The following CNTNAP5 variants were observed in gnomAD, a reference collection of about 807,000 sequenced individuals.
CNTNAP5 encodes the protein contactin-associated protein-like 5.
CNTNAP5 carries 72 observed loss-of-function variants against 150.2 expected under a neutral mutation model. The ratio of observed to expected loss-of-function variants is 0.48; its 90% confidence interval spans 0.40 to 0.58. The LOEUF is 0.58. Ranked by LOEUF, CNTNAP5 falls within the 20% of genes least tolerant of loss-of-function variation. The pLI is 0.00. For synonymous variants in CNTNAP5, 672 were observed against 619.8 expected (o/e 1.08, Z -1.25); for missense variants, 1,636 against 1,626.2 (o/e 1.01, Z -0.10).
intron 10 of CNTNAP5, among the ~76,000 whole-genome samples, chr2:124,546,205 A>T (rs146549341): frequency 0.011 from 1,625 of 152,282 alleles, 9 homozygotes; most frequent in Middle Eastern, 0.044. Flanking sequence ...AATTCATCAT[A>T]ATACAGGCTC....
Position 124,918,606 on chromosome 2 carries a change from C to G in CNTNAP5, c.*4318C>G, listed in dbSNP as rs996612541. Among the ~76,000 whole-genome samples the G allele has an allele frequency of 1.3e-5, 2 of 152,050 alleles. No homozygotes were observed. Among genetic ancestry groups the G allele is most frequent in the Admixed American group, 1.3e-4 (2 of 15,232 alleles). ...TTAGGAAAGGAAAGGTCTTGACAGA[C>G]TGTTCACCAACTGCCCTAGCTTCCT... On this transcript the variant is annotated 3_prime_UTR_variant, in exon 24 of 24. Transcript: ENST00000682447.
At chr2:124,753,104 TCTCGCCC>T (rs1680765109) in intron 14 of CNTNAP5, among the ~76,000 whole-genome samples, 1 of 152,182 alleles carries the variant, frequency 6.6e-6, no homozygotes, top group Non-Finnish European at 1.5e-5. Flanking sequence ...GTTCTTTGCC[TCTCGCCC>T]TTAGTGTACC....
intron 13 of CNTNAP5, among the ~76,000 whole-genome samples, chr2:124,655,943 G>GAA (rs746934948): frequency 0.03 from 3,042 of 100,140 alleles, 40 homozygotes; most frequent in African/African-American, 0.044. Context: ...GAGAGAGAGA[G>GAA]AGAGAAAGAA....
At chr2:124,334,773 C>T (rs1689429491) in intron 3 of CNTNAP5, among the ~76,000 whole-genome samples, 2 of 151,940 alleles carry the variant, frequency 1.3e-5, no homozygotes, top group South Asian at 4.2e-4. Flanking sequence ...TCAATTCAAT[C>T]TTCCCATAAA....
chr2:124,883,070 CTTTTTT>C (rs61340026), intron 21 of CNTNAP5, among the ~76,000 whole-genome samples: 89 of 142,068 alleles, frequency 6.3e-4, no homozygotes, highest in Middle Eastern at 7.4e-3. Context: ...CATCCATTCT[CTTTTTT>C]TTTTTTTTTT....
intron 21 of CNTNAP5, among the ~76,000 whole-genome samples, chr2:124,881,932 A>G (rs1677972620): frequency 6.6e-6 from 1 of 151,962 alleles, no homozygotes; most frequent in Admixed American, 6.6e-5. Context: ...TTTCAATTCA[A>G]GGGGGAAATG....
At chr2:124,677,766 C>T (rs1678977920) in intron 13 of CNTNAP5, among the ~76,000 whole-genome samples, 1 of 151,784 alleles carries the variant, frequency 6.6e-6, no homozygotes, top group Non-Finnish European at 1.5e-5. Flanking sequence ...TTTAGCTAGA[C>T]ACAGAGTGCT....
intron 22 of CNTNAP5, among the ~76,000 whole-genome samples, chr2:124,909,680 A>C (rs1331159987): frequency 6.7e-6 from 1 of 149,248 alleles, no homozygotes; most frequent in Non-Finnish European, 1.5e-5. Flanking sequence ...TCTTCTACCC[A>C]TCTTTTACCA....
chr2:124,759,645 A>G (rs1418869797), intron 14 of CNTNAP5, among the ~76,000 whole-genome samples: 17 of 151,760 alleles, frequency 1.1e-4, no homozygotes. Flanking sequence ...CTGTTTGTGA[A>G]AAGTCCTATG....
intron 1 of CNTNAP5, among the ~76,000 whole-genome samples, chr2:124,163,461 G>A (rs1357396656): frequency 6.6e-6 from 1 of 152,150 alleles, no homozygotes; most frequent in Non-Finnish European, 1.5e-5. Context: ...CATGCTTTGA[G>A]GAGTCAGGCA....
chr2:124,261,753 A>G (rs1425256228), intron 3 of CNTNAP5, among the ~76,000 whole-genome samples: 1 of 152,188 alleles, frequency 6.6e-6, no homozygotes, highest in Non-Finnish European at 1.5e-5. Context: ...GCTGTCAAAA[A>G]CAGAGGCTGT....
At chr2:124,534,735 T>C (rs901903392) in intron 10 of CNTNAP5, among the ~76,000 whole-genome samples, 2 of 152,128 alleles carry the variant, frequency 1.3e-5, no homozygotes, top group East Asian at 3.9e-4. Context: ...ACAAAAAATG[T>C]AATGAACAAT....
chr2:124,358,510 T>A lies in CNTNAP5; in HGVS notation c.382-58933T>A, dbSNP rs184558664. ...CCTAATTTATTGAGAGTTTTTAGCATGAAGGGTTGTTGAATTTTGTCAAAG... is the reference window on the plus strand; with the variant it reads ...CCTAATTTATTGAGAGTTTTTAGCAAGAAGGGTTGTTGAATTTTGTCAAAG... On this transcript the variant is annotated intron_variant, in intron 3 of 23. Coordinates refer to ENST00000682447, the MANE Select transcript of CNTNAP5 (RefSeq NM_001367498.1). 6.6e-4 allele frequency among the ~76,000 whole-genome samples: 100 copies of A among 152,326 alleles called. 1 individual carries two copies. The highest frequency in any genetic ancestry group is 9.8e-4 in the Admixed American group (15 of 15,288).
At chr2:124,151,742 G>A (rs1353790146) in intron 1 of CNTNAP5, among the ~76,000 whole-genome samples, 1 of 152,166 alleles carries the variant, frequency 6.6e-6, no homozygotes, top group Admixed American at 6.5e-5. Flanking sequence ...TGTCTCCCTA[G>A]CCTAGATAAT....
chr2:124,645,779 G>C, intron 12 of CNTNAP5, among the ~76,000 whole-genome samples: 1 of 152,180 alleles, frequency 6.6e-6, no homozygotes, highest in Non-Finnish European at 1.5e-5. Context: ...TTGGCTCATG[G>C]TTTTGCAGGA....
chr2:124,374,862 A>G (rs1223019714), intron 3 of CNTNAP5, among the ~76,000 whole-genome samples: 4 of 152,070 alleles, frequency 2.6e-5, no homozygotes, highest in African/African-American at 4.8e-5. Flanking sequence ...GCAATACTGA[A>G]GAAAGGTTGA....
chr2:124,799,595 T>A (rs1681923681), intron 19 of CNTNAP5, among the ~76,000 whole-genome samples: 1 of 152,160 alleles, frequency 6.6e-6, no homozygotes, highest in Non-Finnish European at 1.5e-5. Context: ...AAGCCTGGAG[T>A]GTGCCCCATA....
At chr2:124,176,028 A>T in intron 1 of CNTNAP5, among the ~76,000 whole-genome samples, 1 of 152,204 alleles carries the variant, frequency 6.6e-6, no homozygotes, top group East Asian at 1.9e-4. Context: ...CGAACACACT[A>T]GTTTGGTAGT....
At chr2:124,805,296 C>A (rs1158749923) in intron 19 of CNTNAP5, among the ~76,000 whole-genome samples, 1 of 152,142 alleles carries the variant, frequency 6.6e-6, no homozygotes, top group Non-Finnish European at 1.5e-5. Flanking sequence ...CCTGATGTCT[C>A]TAAAATAGAG....
Sources: gnomAD v4.1 joint callset for allele counts (sites outside exome capture counted in the v4.1 genomes callset) on GRCh38, gnomAD v4.1.1 for gene constraint, MANE v1.5 for transcripts, NCBI Gene and HGNC (gene_info 2026-07-23, HGNC 2026-07-21) for gene names.